Variants in ZNF486 observed in about 807,000 individuals in gnomAD.
The protein encoded by ZNF486 is KRAB box only protein 2.
Under a neutral mutation model 12.8 loss-of-function variants are expected in ZNF486, and 12 were observed. The observed-to-expected ratio is 0.94, with a 90% CI of 0.60 to 1.52. The LOEUF is 1.52. Ranked by LOEUF, ZNF486 falls within the 40% of genes most tolerant of loss-of-function variation. ZNF486 has a pLI of 0.00. For missense variants in ZNF486, 738 were observed against 545.0 expected (o/e 1.35, Z -3.53); for synonymous variants, 231 against 184.9 (o/e 1.25, Z -2.02).
intron 3 of ZNF486, among the ~76,000 whole-genome samples, chr19:20,189,719 A>G (rs1262068667): frequency 6.6e-6 from 1 of 152,140 alleles, no homozygotes; most frequent in Non-Finnish European, 1.5e-5. Flanking sequence ...ATTTATTTTG[A>G]ACATTAACTT....
chr19:20,177,935 C>CTTTTTTTTTTTTTTT (rs1241165221), intron 1 of ZNF486, among the ~76,000 whole-genome samples: 2,793 of 144,272 alleles, frequency 0.019, 119 homozygotes, highest in African/African-American at 0.07. Flanking sequence ...AACATTTGTT[C>CTTTTTTTTTTTTTTT]TTTTTTTTTG....
chr19:20,182,657 G>A (rs559741435), intron 1 of ZNF486, among the ~76,000 whole-genome samples: 7 of 152,118 alleles, frequency 4.6e-5, no homozygotes, highest in Non-Finnish European at 8.8e-5. Context: ...GTCTGTGGCA[G>A]GGAGGGCACC....
At chr19:20,172,675 A>AGTCTCACTCT (rs200809354) in intron 1 of ZNF486, among the ~76,000 whole-genome samples, 11,091 of 142,440 alleles carry the variant, frequency 0.078, 670 homozygotes, top group African/African-American at 0.18. Context: ...TGTGAGATGG[A>AGTCTCACTCT]GTCGCTTAGA....
rs1294563717 is a variant in ZNF486, at chr19:20,198,318, G to A, written c.*216G>A. 3 of 504,164 alleles carry A rather than the reference G, an allele frequency of 6.0e-6. No homozygotes were observed. In the South Asian group the frequency reaches 7.6e-5, roughly 13 times the overall value. The allele number at this position is 504,164 out of a possible 1,614,324, so 31.2% of individuals were successfully genotyped here. A position where few individuals can be genotyped will look rare whatever the true frequency, so the allele number is the denominator to read the frequency against. ...GGGTTTCTCCATGTTGGTCAGGCTG[G>A]TCTCAATCTCCTAACCTCAGGTGGT... On this transcript the variant is annotated 3_prime_UTR_variant, in exon 4 of 4. Transcript: ENST00000335117.
intron 1 of ZNF486, among the ~76,000 whole-genome samples, chr19:20,167,864 A>G (rs1005624759): frequency 9.2e-5 from 14 of 151,692 alleles, no homozygotes; most frequent in African/African-American, 3.4e-4. Context: ...ATTCCTCTTC[A>G]AAGACTCAAC....
chr19:20,185,801 C>T (rs2089836747), intron 2 of ZNF486, among the ~76,000 whole-genome samples, 186 bp from the exon 3 acceptor site: 1 of 137,904 alleles, frequency 7.3e-6, no homozygotes, highest in Non-Finnish European at 1.5e-5. Context: ...TACTCCATCT[C>T]CAAAAAAAAA....
chr19:20,176,916 A>C (rs1231112449), intron 1 of ZNF486: 1 of 152,254 alleles, frequency 6.6e-6, no homozygotes, highest in African/African-American at 2.4e-5. Flanking sequence ...TTTTGGAGCT[A>C]TCTCTATCTG....
At chr19:20,172,549 T>A (rs1171647455) in intron 1 of ZNF486, among the ~76,000 whole-genome samples, 1 of 152,164 alleles carries the variant, frequency 6.6e-6, no homozygotes, top group Non-Finnish European at 1.5e-5. Context: ...TCTGCCTGCC[T>A]TGGCTTTCCA....
At chr19:20,172,869 C>G (rs1003060407) in intron 1 of ZNF486, among the ~76,000 whole-genome samples, 12 of 151,592 alleles carry the variant, frequency 7.9e-5, no homozygotes, top group Admixed American at 7.2e-4. Context: ...TCTTGAACTC[C>G]TGACCTCGTG....
intron 1 of ZNF486, among the ~76,000 whole-genome samples, chr19:20,181,112 G>T (rs113496158): frequency 0.079 from 12,033 of 151,478 alleles, 734 homozygotes; most frequent in African/African-American, 0.18. Flanking sequence ...TTTTGGAGGC[G>T]TTATTTAGGT....
intron 1 of ZNF486, among the ~76,000 whole-genome samples, chr19:20,173,608 A>G (rs1212203946): frequency 1.3e-5 from 2 of 152,126 alleles, no homozygotes; most frequent in Middle Eastern, 3.2e-3. Context: ...AGGTGGGTGG[A>G]TCACGAGGTC....
intron 3 of ZNF486, among the ~76,000 whole-genome samples, chr19:20,194,703 G>A (rs898623004): frequency 6.6e-5 from 10 of 151,984 alleles, no homozygotes; most frequent in Admixed American, 5.9e-4. Flanking sequence ...ACTCCAGCTT[G>A]TGCAACAAGA....
intron 2 of ZNF486, among the ~76,000 whole-genome samples, chr19:20,185,729 C>G (rs1276281516): frequency 6.7e-6 from 1 of 149,736 alleles, no homozygotes; most frequent in Non-Finnish European, 1.5e-5. Context: ...TTTTAAAGTA[C>G]TGCTTAATGT....
chr19:20,198,664 A>AG lies in ZNF486; in HGVS notation c.*564dup, dbSNP rs2089985259. On this transcript the variant is annotated 3_prime_UTR_variant, in exon 4 of 4. Coordinates refer to ENST00000335117, the MANE Select transcript of ZNF486 (RefSeq NM_052852.4). Reference sequence around the variant, plus strand: ...CAGCCTCCCAAGTAGCTGGGATTACAGGTGCCACCACCATTCCCAGCTAAT... The same window carrying AG: ...CAGCCTCCCAAGTAGCTGGGATTACAGGGTGCCACCACCATTCCCAGCTAAT... 1 of 154,196 alleles carries AG rather than the reference A, an allele frequency of 6.5e-6. No individual in the cohort carries two copies. Among genetic ancestry groups the AG allele is most frequent in the Non-Finnish European group, 1.4e-5 (1 of 69,560 alleles). 9.6% of individuals were successfully genotyped at this position (154,196 alleles called of 1,614,324 possible). A position where few individuals can be genotyped will look rare whatever the true frequency, so the allele number is the denominator to read the frequency against.
chr19:20,197,475 A>T lies in ZNF486; in HGVS notation c.765A>T (p.Thr255=). 1 of 1,608,964 alleles carries T rather than the reference A, an allele frequency of 6.2e-7. No individual in the cohort carries two copies. The highest frequency in any genetic ancestry group is 8.5e-7 in the Non-Finnish European group (1 of 1,177,176). The change falls in exon 4 of 4, where the codon ACA becomes ACT. Residue 255 remains threonine, a synonymous_variant. Coordinates refer to ENST00000335117, the MANE Select transcript of ZNF486 (RefSeq NM_052852.4). ...TTAAGTACTTCTCTAGCTTTACTAC[A>T]CATAAGAAAATTCATAGTGGAGAGA... ...KVFKYFSSFT[T]HKKIHSGEKP... is the part of the protein sequence containing the mutation.
chr19:20,176,178 A>G, intron 1 of ZNF486: 1 of 141,776 alleles, frequency 7.1e-6, no homozygotes, highest in South Asian at 1.1e-4. Context: ...CGCTCCTCAT[A>G]TCCCAGACGG....
At chr19:20,177,823 G>A (rs1047683900) in intron 1 of ZNF486, among the ~76,000 whole-genome samples, 20 of 152,112 alleles carry the variant, frequency 1.3e-4, no homozygotes, top group Admixed American at 2.6e-4. Context: ...TGATCCACCC[G>A]CCTCGGCCTC....
At chr19:20,172,318 T>G (rs1568316194) in intron 1 of ZNF486, among the ~76,000 whole-genome samples, 2 of 151,406 alleles carry the variant, frequency 1.3e-5, no homozygotes. Flanking sequence ...CTACTTTTTT[T>G]TTTTGAGAGA....
chr19:20,180,727 CTG>C (rs2089775567), intron 1 of ZNF486, among the ~76,000 whole-genome samples: 1 of 152,258 alleles, frequency 6.6e-6, no homozygotes, highest in East Asian at 1.9e-4. Context: ...GCCCCAGCCA[CTG>C]TGGTCAGGCT....
Sources: gnomAD v4.1 joint callset for allele counts (sites outside exome capture counted in the v4.1 genomes callset) on GRCh38, gnomAD v4.1.1 for gene constraint, MANE v1.5 for transcripts, NCBI Gene and HGNC (gene_info 2026-07-23, HGNC 2026-07-21) for gene names.